The following ST6GALNAC5 variants were observed in gnomAD, a reference collection of about 807,000 sequenced individuals.
ST6GALNAC5 encodes ST6 N-acetylgalactosaminide alpha-2,6-sialyltransferase 5.
Under a neutral mutation model 33.6 loss-of-function variants are expected in ST6GALNAC5, and 27 were observed. The ratio of observed to expected loss-of-function variants is 0.80; its 90% CI spans 0.59 to 1.11. ST6GALNAC5 has a LOEUF of 1.11. ST6GALNAC5 is among the 50% of genes least tolerant of loss of function. The probability of loss-of-function intolerance (pLI) is 0.00; values close to 1 mark genes in which losing one functional copy is unlikely to be tolerated. For synonymous variants in ST6GALNAC5, 194 were observed against 171.2 expected (o/e 1.13, Z -1.04); for missense variants, 428 against 454.0 (o/e 0.94, Z 0.52).
intron 2 of ST6GALNAC5, among the ~76,000 whole-genome samples, chr1:76,986,938 G>A (rs900416012): frequency 3.3e-5 from 5 of 152,128 alleles, no homozygotes; most frequent in African/African-American, 7.2e-5. Flanking sequence ...AACACCACAT[G>A]TTCTCACTCA....
intron 2 of ST6GALNAC5, among the ~76,000 whole-genome samples, chr1:76,874,240 G>A (rs1419341664): frequency 6.6e-6 from 1 of 152,134 alleles, no homozygotes; most frequent in Non-Finnish European, 1.5e-5. Context: ...CAACTTCAAA[G>A]TGGCTTGATT....
chr1:77,029,692 A>C (rs1651379180), intron 2 of ST6GALNAC5, among the ~76,000 whole-genome samples: 1 of 152,224 alleles, frequency 6.6e-6, no homozygotes, highest in South Asian at 2.1e-4. Context: ...GTGAGGAAAG[A>C]AAAACACATT....
intron 2 of ST6GALNAC5, among the ~76,000 whole-genome samples, chr1:76,912,533 C>T (rs1646925041): frequency 6.6e-6 from 1 of 151,844 alleles, no homozygotes; most frequent in Admixed American, 6.6e-5. Context: ...GTGTTAAAGT[C>T]TCCCATTATT....
chr1:76,912,378 G>T (rs1209809869), intron 2 of ST6GALNAC5, among the ~76,000 whole-genome samples: 1 of 152,056 alleles, frequency 6.6e-6, no homozygotes, highest in Non-Finnish European at 1.5e-5. Context: ...GTATGGTGTG[G>T]TGCTGAAAAA....
chr1:76,937,784 T>C (rs914178356), intron 2 of ST6GALNAC5, among the ~76,000 whole-genome samples: 3 of 152,070 alleles, frequency 2.0e-5, no homozygotes, highest in Non-Finnish European at 4.4e-5. Context: ...CCAAATAATA[T>C]TTATAATTCA....
chr1:77,049,871 T>C (rs1173697675), intron 3 of ST6GALNAC5, among the ~76,000 whole-genome samples: 11 of 152,204 alleles, frequency 7.2e-5, no homozygotes, highest in Admixed American at 7.2e-4. Context: ...CTAGCCTGTT[T>C]GGGGAACAAG....
At chr1:77,053,663 T>C (rs78480086) in intron 4 of ST6GALNAC5, among the ~76,000 whole-genome samples, 1,701 of 152,266 alleles carry the variant, frequency 0.011, 13 homozygotes, top group African/African-American at 0.018. Flanking sequence ...ACAATTATCA[T>C]ATAAACTCTC....
intron 4 of ST6GALNAC5, among the ~76,000 whole-genome samples, chr1:77,058,711 G>C (rs1419906763): frequency 2.6e-5 from 4 of 152,232 alleles, no homozygotes; most frequent in Admixed American, 2.6e-4. Context: ...TCTTATAGGG[G>C]TGTTGTGAGG....
At chr1:76,918,267 G>C (rs917860242) in intron 2 of ST6GALNAC5, among the ~76,000 whole-genome samples, 2 of 152,034 alleles carry the variant, frequency 1.3e-5, no homozygotes, top group African/African-American at 4.8e-5. Context: ...CTAATAAAAT[G>C]CTTCTAATGT....
At chr1:77,010,615 C>A (rs942322095) in intron 2 of ST6GALNAC5, among the ~76,000 whole-genome samples, 2 of 150,748 alleles carry the variant, frequency 1.3e-5, no homozygotes, top group African/African-American at 4.9e-5. Flanking sequence ...GGAGTAGTCC[C>A]TCTCAGCCTG....
Position 76,868,407 on chromosome 1 carries a change from A to C in ST6GALNAC5, c.16-90A>C, listed in dbSNP as rs1653401620. On this transcript the variant is annotated intron_variant, in intron 1 of 4. Coordinates refer to ENST00000477717, the MANE Select transcript of ST6GALNAC5 (RefSeq NM_030965.3). This position sits in a 1 kb window ranked among gnomAD's most constrained non-coding sequence, Gnocchi z 4.3. ...GGCCGCCCCAAATCTCCCCCACTAGAGTGACCACCGCACAGTTGTCCCCGC... is the reference window on the plus strand; with the variant it reads ...GGCCGCCCCAAATCTCCCCCACTAGCGTGACCACCGCACAGTTGTCCCCGC... 4 of 1,498,480 alleles carry C rather than the reference A, an allele frequency of 2.7e-6. No individual in the cohort carries two copies. The South Asian group carries it at 5.4e-5, about 20-fold the overall frequency. The allele number at this position is 1,498,480 out of a possible 1,614,324, so 92.8% of individuals were successfully genotyped here.
intron 2 of ST6GALNAC5, among the ~76,000 whole-genome samples, chr1:76,897,943 G>A (rs1414706584): frequency 6.6e-6 from 1 of 152,166 alleles, no homozygotes; most frequent in Non-Finnish European, 1.5e-5. Flanking sequence ...ATTAAGAAGA[G>A]GACGGACTTA....
At chr1:76,906,406 AG>A (rs1407581172) in intron 2 of ST6GALNAC5, among the ~76,000 whole-genome samples, 2 of 152,180 alleles carry the variant, frequency 1.3e-5, no homozygotes, top group Non-Finnish European at 2.9e-5. Flanking sequence ...CTATTGCTAA[AG>A]GTGAAGTAAG....
At chr1:76,992,821 T>C (rs548153548) in intron 2 of ST6GALNAC5, among the ~76,000 whole-genome samples, 1 of 152,308 alleles carries the variant, frequency 6.6e-6, no homozygotes. Flanking sequence ...TCACTACTTC[T>C]GCCTTGCTGG....
chr1:77,023,416 C>T (rs1317029249), intron 2 of ST6GALNAC5, among the ~76,000 whole-genome samples: 1 of 152,190 alleles, frequency 6.6e-6, no homozygotes, highest in Admixed American at 6.5e-5. Context: ...GTTTCAGGGC[C>T]ACCGGCACCA....
At chr1:77,052,499 T>C (rs1390543627) in intron 4 of ST6GALNAC5, among the ~76,000 whole-genome samples, 1 of 150,458 alleles carries the variant, frequency 6.6e-6, no homozygotes, top group African/African-American at 2.4e-5. Flanking sequence ...AGATGTAGAG[T>C]GTTGGATGCA....
chr1:76,875,992 G>A (rs950685229), intron 2 of ST6GALNAC5, among the ~76,000 whole-genome samples: 19 of 152,210 alleles, frequency 1.2e-4, no homozygotes, highest in Admixed American at 6.5e-4. Flanking sequence ...TGTAAAGCAA[G>A]TGCCTTGGTC....
intron 2 of ST6GALNAC5, among the ~76,000 whole-genome samples, chr1:76,905,894 C>T (rs1421933110): frequency 1.3e-5 from 2 of 152,100 alleles, no homozygotes; most frequent in African/African-American, 2.4e-5. Context: ...TTGCTGCAGG[C>T]TTTCCTTAGA....
chr1:76,895,512 C>G (rs903451120), intron 2 of ST6GALNAC5, among the ~76,000 whole-genome samples: 1 of 152,102 alleles, frequency 6.6e-6, no homozygotes, highest in African/African-American at 2.4e-5. Flanking sequence ...AATGGAATAA[C>G]AGAAGGAGAA....
Sources: gnomAD v4.1 joint callset for allele counts (sites outside exome capture counted in the v4.1 genomes callset) on GRCh38, gnomAD v4.1.1 for gene constraint, Gnocchi (gnomAD v3.1) non-coding constraint, MANE v1.5 for transcripts, NCBI Gene and HGNC (gene_info 2026-07-23, HGNC 2026-07-21) for gene names.